Variants in STARD13 observed in about 807,000 individuals in gnomAD.
STARD13 encodes StAR related lipid transfer domain containing 13, also known as stAR-related lipid transfer protein 13.
Under a neutral mutation model 106.4 loss-of-function variants are expected in STARD13, and 62 were observed. The ratio of observed to expected loss-of-function variants is 0.58; its 90% CI spans 0.48 to 0.72. STARD13 has a LOEUF of 0.72. Ranked by LOEUF, STARD13 falls within the 30% of genes least tolerant of loss-of-function variation. The pLI is 0.00. For synonymous variants in STARD13, 565 were observed against 553.0 expected (o/e 1.02, Z -0.31); for missense variants, 1,387 against 1,424.0 (o/e 0.97, Z 0.42).
the STARD13 span, chr13:33,524,145 G>T: frequency 3.6e-6 from 2 of 555,374 alleles, no homozygotes; most frequent in Non-Finnish European, 4.8e-6. Context: ...GATAATTTGT[G>T]AACACAGTGC....
At chr13:33,584,215 G>A in the STARD13 span, among the ~76,000 whole-genome samples, 1 of 152,100 alleles carries the variant, frequency 6.6e-6, no homozygotes, top group Non-Finnish European at 1.5e-5. Flanking sequence ...ACCTGAGATT[G>A]GATAATTTAT....
the STARD13 span, among the ~76,000 whole-genome samples, chr13:33,646,131 A>G: frequency 1.3e-5 from 2 of 152,142 alleles, no homozygotes; most frequent in Admixed American, 6.5e-5. Context: ...GACTGCACAT[A>G]CTCAGAGAGC....
At chr13:33,150,130 T>C (rs901910523) in intron 3 of STARD13, among the ~76,000 whole-genome samples, 3 of 152,254 alleles carry the variant, frequency 2.0e-5, no homozygotes. Context: ...GTTTTATACA[T>C]GATAGGCTCG....
chr13:33,114,146 T>G (rs368080563), intron 8 of STARD13, among the ~76,000 whole-genome samples: 10 of 152,282 alleles, frequency 6.6e-5, no homozygotes, highest in African/African-American at 2.2e-4. Context: ...TTAGAGTACA[T>G]CCAGTATATT....
At chr13:33,431,225 G>A in the STARD13 span, among the ~76,000 whole-genome samples, 2 of 152,014 alleles carry the variant, frequency 1.3e-5, no homozygotes, top group Admixed American at 6.6e-5. Context: ...ATAAAACATC[G>A]TTTAATAAAA....
Position 33,112,887 on chromosome 13 carries a change from G to A in STARD13, c.2326C>T (p.Leu776=), listed in dbSNP as rs1380124665. The A allele has an allele frequency of 2.4e-5, 39 of 1,613,664 alleles. No individual in the cohort carries two copies. Among genetic ancestry groups the A allele is most frequent in the Non-Finnish European group, 3.2e-5 (38 of 1,179,800 alleles). ...TCCCTGTTCTCATCGGCCAGTAGCA[G>A]GATGGCAGCCTGCACGGCCTGCAGC... ...QRLQAVQAAI[L]LLADENREVL... is the part of the protein sequence containing the mutation. The change falls in exon 9 of 14, where the codon CTG becomes TTG. Residue 776 remains leucine (L), a synonymous_variant. Coordinates refer to ENST00000336934, the MANE Select transcript of STARD13 (RefSeq NM_178006.4).
At chr13:33,206,606 G>C (rs938539633) in intron 1 of STARD13, among the ~76,000 whole-genome samples, 22 of 152,160 alleles carry the variant, frequency 1.4e-4, no homozygotes, top group African/African-American at 5.3e-4. Context: ...AATGAACTTG[G>C]TGAATCAGGA....
chr13:33,111,213 C>G (rs1411119726), intron 10 of STARD13, among the ~76,000 whole-genome samples: 1 of 152,192 alleles, frequency 6.6e-6, no homozygotes, highest in Non-Finnish European at 1.5e-5. Context: ...AATATGGGCT[C>G]AGACAACTTT....
chr13:33,422,558 A>G, the STARD13 span, among the ~76,000 whole-genome samples: 1 of 152,158 alleles, frequency 6.6e-6, no homozygotes, highest in South Asian at 2.1e-4. Context: ...CCATCAAACT[A>G]CCAATGACTT....
chr13:33,461,380 A>AGTGTTT, the STARD13 span, among the ~76,000 whole-genome samples: 1 of 152,224 alleles, frequency 6.6e-6, no homozygotes, highest in South Asian at 2.1e-4. Context: ...AACAATGCTA[A>AGTGTTT]GTGCTTGTGC....
the STARD13 span, among the ~76,000 whole-genome samples, chr13:33,651,954 A>G: frequency 6.6e-6 from 1 of 152,342 alleles, no homozygotes; most frequent in South Asian, 2.1e-4. Flanking sequence ...TGTCTGGCGA[A>G]TATCAACAAG....
intron 1 of STARD13, among the ~76,000 whole-genome samples, chr13:33,310,389 T>C (rs1019869107): frequency 3.3e-5 from 5 of 152,190 alleles, no homozygotes; most frequent in African/African-American, 1.2e-4. Flanking sequence ...TAAGTGAAAG[T>C]TACACAACTC....
chr13:33,400,932 A>G, the STARD13 span, among the ~76,000 whole-genome samples: 2 of 152,248 alleles, frequency 1.3e-5, no homozygotes, highest in Admixed American at 6.5e-5. Flanking sequence ...TGGAATGTCA[A>G]AACGACTCAG....
chr13:33,236,328 C>T (rs1043133949), intron 1 of STARD13, among the ~76,000 whole-genome samples: 18 of 152,276 alleles, frequency 1.2e-4, no homozygotes, highest in Non-Finnish European at 2.2e-4. Flanking sequence ...CCTCCTCAAA[C>T]GCCTTGTTAG....
chr13:33,511,743 C>T, the STARD13 span, among the ~76,000 whole-genome samples: 1 of 152,108 alleles, frequency 6.6e-6, no homozygotes. Flanking sequence ...AAAGGCAAAG[C>T]AAAATGGATA....
chr13:33,279,899 C>T (rs779278729), intron 1 of STARD13: 2 of 151,906 alleles, frequency 1.3e-5, no homozygotes, highest in Non-Finnish European at 2.9e-5. Context: ...CTGTACAGGC[C>T]CTCCAAACAC....
chr13:33,185,380 A>C (rs534469891), intron 1 of STARD13, among the ~76,000 whole-genome samples: 9 of 152,318 alleles, frequency 5.9e-5, no homozygotes, highest in African/African-American at 2.2e-4. Flanking sequence ...CAATTTATGC[A>C]TTTTTTTAGG....
chr13:33,194,031 C>A (rs1405711785), intron 1 of STARD13, among the ~76,000 whole-genome samples: 9 of 152,016 alleles, frequency 5.9e-5, no homozygotes, highest in Admixed American at 5.9e-4. Flanking sequence ...ACAAACTAGT[C>A]CAGAATGATC....
chr13:33,639,138 G>T, the STARD13 span, among the ~76,000 whole-genome samples: 1 of 152,200 alleles, frequency 6.6e-6, no homozygotes. Flanking sequence ...ATAAGATAAT[G>T]CCAGATGATG....
Sources: allele counts gnomAD v4.1 joint callset (sites outside exome capture counted in the v4.1 genomes callset), GRCh38; gene constraint gnomAD v4.1.1; transcripts MANE v1.5; gene names NCBI Gene and HGNC (gene_info 2026-07-23, HGNC 2026-07-21).